The following RGPD4 variants were observed in gnomAD, a reference collection of about 807,000 sequenced individuals.
The protein encoded by RGPD4 is RANBP2 like and GRIP domain containing 4, also known as ranBP2-like and GRIP domain-containing protein 4.
A neutral mutation model predicts 141.1 loss-of-function variants in RGPD4; 84 were observed. That is an observed-to-expected ratio of 0.60 (90% CI 0.50 to 0.71). The LOEUF is 0.71. RGPD4 is among the 30% of genes least tolerant of loss of function. RGPD4 has a pLI of 0.00. For synonymous variants in RGPD4, 298 were observed against 566.8 expected, an observed-to-expected ratio of 0.53 and a Z score of 6.74; for missense variants, 918 against 1,622.4, an observed-to-expected ratio of 0.57 and a Z score of 7.46.
Position 107,853,955 on chromosome 2 carries a change from G to A in RGPD4, c.979-601G>A, listed in dbSNP as rs554878226. On this transcript the variant is annotated intron_variant, in intron 7 of 22. Coordinates refer to ENST00000408999, the MANE Select transcript of RGPD4 (RefSeq NM_182588.3). ...TTTAGAGATAGGGTCTCACCGTGTTGTTCAGGCTGGTCTTGAACTCTGGGC... is the reference window on the plus strand; with the variant it reads ...TTTAGAGATAGGGTCTCACCGTGTTATTCAGGCTGGTCTTGAACTCTGGGC... 2.2e-5 allele frequency among the ~76,000 whole-genome samples: 3 copies of A among 135,388 alleles called. No individual in the cohort carries two copies. In the East Asian group the frequency reaches 6.3e-4, roughly 28 times the overall value. The allele number at this position is 135,388 out of a possible 152,430, so 88.8% of individuals were successfully genotyped here. A position where few individuals can be genotyped will look rare whatever the true frequency, so the allele number is the denominator to read the frequency against.
chr2:107,857,590 G>A (rs1335083493), intron 9 of RGPD4, among the ~76,000 whole-genome samples: 4 of 151,520 alleles, frequency 2.6e-5, no homozygotes, highest in African/African-American at 7.3e-5. Context: ...ATGCCACTCG[G>A]CCCAGATAAT....
intron 6 of RGPD4, among the ~76,000 whole-genome samples, chr2:107,846,715 G>A (rs1189938296): frequency 1.5e-4 from 23 of 150,530 alleles, no homozygotes; most frequent in East Asian, 4.0e-4. Flanking sequence ...TGATCCACCC[G>A]CCTCAGCCTC....
chr2:107,872,113 A>G lies in RGPD4; in HGVS notation c.4109A>G (p.Asp1370Gly). The G allele has an allele frequency of 6.2e-7, 1 of 1,611,336 alleles. No homozygotes were observed. The highest frequency in any genetic ancestry group is 8.5e-7 in the Non-Finnish European group (1 of 1,179,626). Residue 1370 changes from aspartate to glycine, a missense_variant, in exon 20 of 23, where the codon GAT becomes GGT. Physicochemically the swap from Asp to Gly is moderately conservative, Grantham distance 94. Coordinates refer to ENST00000408999, the MANE Select transcript of RGPD4 (RefSeq NM_182588.3). ...HRAELYRYDK[D>G]VGQWKERGIG... ...GCAGAACTCTACAGATATGATAAAG[A>G]TGTTGGTCAATGGAAAGAAAGGGGC...
chr2:107,880,008 G>C lies in RGPD4; in HGVS notation c.4965G>C (p.Leu1655Phe). 1 of 1,611,256 alleles carries C rather than the reference G, an allele frequency of 6.2e-7. No individual in the cohort carries two copies. The highest frequency in any genetic ancestry group is 8.5e-7 in the Non-Finnish European group (1 of 1,179,822). ...ATGCTGAATTTACCAAAGAAGAATT[G>C]GTTCAGAAGCTCAGTTCCACCACAA... Reference protein sequence around the residue: ...LWHAEFTKEELVQKLSSTTKS... With the variant: ...LWHAEFTKEEFVQKLSSTTKS... Residue 1655 changes from leucine to phenylalanine, a missense_variant, in exon 21 of 23, where the codon TTG becomes TTC. Transcript: ENST00000408999.
In RGPD4 at chr2:107,890,741, C is replaced by T. The variant is rs370306958; in HGVS notation, c.*10C>T. Reference sequence around the variant, plus strand: ...CAAAGGTGAGGAATAAAATGCTTCCCGTTCTTCTGGATGGGCATCCTATCT... The same window carrying T: ...CAAAGGTGAGGAATAAAATGCTTCCTGTTCTTCTGGATGGGCATCCTATCT... On this transcript the variant is annotated 3_prime_UTR_variant, in exon 23 of 23. Transcript: ENST00000408999. 224 of 1,602,232 alleles carry T rather than the reference C, an allele frequency of 1.4e-4. No individual in the cohort carries two copies. The highest frequency in any genetic ancestry group is 1.8e-4 in the Non-Finnish European group (209 of 1,176,792).
intron 20 of RGPD4, among the ~76,000 whole-genome samples, chr2:107,874,012 T>C (rs1683018557): frequency 6.7e-6 from 1 of 148,434 alleles, no homozygotes; most frequent in South Asian, 2.2e-4. Flanking sequence ...TGTTAAAGAA[T>C]GCCAGTTTAA....
intron 7 of RGPD4, among the ~76,000 whole-genome samples, chr2:107,849,492 G>C: frequency 9.1e-6 from 1 of 109,822 alleles, no homozygotes; most frequent in Middle Eastern, 5.0e-3. Context: ...TCAGCCTCCT[G>C]AGTAGCTGGG....
At chr2:107,844,830 G>T (rs796980623) in intron 6 of RGPD4, among the ~76,000 whole-genome samples, 1,495 of 25,774 alleles carry the variant, frequency 0.058, 23 homozygotes, top group African/African-American at 0.073. Context: ...TTTCTTTTTT[G>T]TTTTTTTTTT....
chr2:107,887,308 T>G (rs1675543431), intron 22 of RGPD4, among the ~76,000 whole-genome samples: 2 of 152,280 alleles, frequency 1.3e-5, no homozygotes, highest in African/African-American at 4.8e-5. Flanking sequence ...ATATGTTGAA[T>G]CTAGTAAGGC....
chr2:107,856,587 CTT>C (rs1451258578), intron 8 of RGPD4, among the ~76,000 whole-genome samples, 171 bp from the exon 9 acceptor site: 15 of 150,706 alleles, frequency 1.0e-4, no homozygotes, highest in African/African-American at 3.6e-4. Flanking sequence ...AACCTGTACT[CTT>C]TTCATTTGCT....
chr2:107,845,721 G>A (rs538874195), intron 6 of RGPD4, among the ~76,000 whole-genome samples: 428 of 151,146 alleles, frequency 2.8e-3, no homozygotes, highest in African/African-American at 9.3e-3. Context: ...CCACCACCAC[G>A]CTCGGCTAAT....
At chr2:107,850,662 T>C (rs1682091157) in intron 7 of RGPD4, among the ~76,000 whole-genome samples, 1 of 43,690 alleles carries the variant, frequency 2.3e-5, no homozygotes, top group South Asian at 1.4e-3. Context: ...TATTTTTTTT[T>C]TTGAGACGGA....
Position 107,871,796 on chromosome 2 carries a change from T to C in RGPD4, c.3792T>C (p.Ser1264=), listed in dbSNP as rs1223353201. Residue 1264 remains serine, a synonymous_variant, in exon 20 of 23, where the codon AGT becomes AGC. Coordinates refer to ENST00000408999, the MANE Select transcript of RGPD4 (RefSeq NM_182588.3). The part of the protein sequence containing the change: ...LREDALDDSV[S]SSSVHASPLA... ...AAGATGCTTTGGATGATAGTGTCAG[T>C]AGTAGCTCAGTACATGCTTCTCCAT... 2.5e-6 allele frequency: 4 copies of C among 1,611,404 alleles called. No homozygotes were observed. The highest frequency in any genetic ancestry group is 2.7e-5 in the African/African-American group (2 of 74,416).
Position 107,882,806 on chromosome 2 carries a change from TC to T in RGPD4, c.5201del (p.Pro1734LeufsTer3). The T allele has an allele frequency of 6.2e-7, 1 of 1,611,080 alleles. No homozygotes were observed. The highest frequency in any genetic ancestry group is 1.1e-5 in the South Asian group (1 of 90,954). On this transcript the variant is annotated frameshift_variant, in exon 22 of 23. Transcript: ENST00000408999. LOFTEE classifies it high-confidence loss of function. ...KPGSERERLL[P>X]VINTMLQLSP... ...CAGGTAGTGAAAGAGAGAGACTTCT[TC>T]CTGTTATAAATACGATGTTGCAGCT...
At position 107,827,081 on chromosome 2, in the gene RGPD4, G is replaced by T. The variant is rs781782552; in HGVS notation, c.68G>T (p.Arg23Leu). Residue 23 changes from arginine to leucine, a missense_variant, in exon 1 of 23, where the codon CGA (arginine) becomes CTA (leucine). By Grantham distance (102) the Arg-to-Leu change is moderately radical (BLOSUM62 -2). Transcript: ENST00000408999. ...ASVQGSAPSP[R>L]KKSTRGFYFA... ...GTGCAGGGCTCCGCCCCGTCGCCTC[G>T]AAAGGTGAGTGGATCTCGAAGAGAC... The T allele has an allele frequency of 6.3e-6, 10 of 1,590,244 alleles. No homozygotes were observed. Among genetic ancestry groups the T allele is most frequent in the South Asian group, 1.1e-5 (1 of 87,292 alleles).
chr2:107,880,506 A>C (rs1167028903), intron 21 of RGPD4, among the ~76,000 whole-genome samples: 1 of 151,542 alleles, frequency 6.6e-6, no homozygotes, highest in Admixed American at 6.6e-5. Flanking sequence ...CTCATGATCC[A>C]CCTGCCTTGG....
At chr2:107,849,544 G>C (rs868021710) in intron 7 of RGPD4, among the ~76,000 whole-genome samples, 837 of 17,378 alleles carry the variant, frequency 0.048, 211 homozygotes, top group African/African-American at 0.21. Flanking sequence ...TTTTTTTTTT[G>C]TACTTTTAGT....
At chr2:107,869,760 A>T in intron 18 of RGPD4, 123 bp from the exon 19 acceptor site, 2 of 899,956 alleles carry the variant, frequency 2.2e-6, no homozygotes, top group Non-Finnish European at 1.6e-6. Context: ...GAAATTTAAA[A>T]TTTATGTAGT....
intron 1 of RGPD4, among the ~76,000 whole-genome samples, chr2:107,831,577 T>TTTTCTTTTC (rs1558788365): frequency 5.4e-5 from 1 of 18,646 alleles, no homozygotes; most frequent in Non-Finnish European, 1.5e-4. Flanking sequence ...CTTTTCTTTT[T>TTTTCTTTTC]TTTTTTTTTT....
Sources: allele counts gnomAD v4.1 joint callset (sites outside exome capture counted in the v4.1 genomes callset), GRCh38; gene constraint gnomAD v4.1.1; transcripts MANE v1.5; gene names NCBI Gene and HGNC (gene_info 2026-07-23, HGNC 2026-07-21).